Variants in KAZN observed in about 807,000 individuals in gnomAD.
KAZN encodes kazrin, periplakin interacting protein.
Under a neutral mutation model 87.4 loss-of-function variants are expected in KAZN, and 40 were observed. The observed-to-expected ratio is 0.46, with a 90% confidence interval of 0.36 to 0.60. The LOEUF is 0.60. Ranked by LOEUF, KAZN falls within the 20% of genes least tolerant of loss-of-function variation. The pLI, the probability that KAZN is intolerant of heterozygous loss-of-function variation, is 0.00. For missense variants in KAZN, 898 were observed against 1,073.9 expected (o/e 0.84, Z 2.29); for synonymous variants, 466 against 458.3 (o/e 1.02, Z -0.22).
At chr1:14,150,624 G>C (rs760111565) in intron 1 of KAZN, among the ~76,000 whole-genome samples, 21 of 152,220 alleles carry the variant, frequency 1.4e-4, no homozygotes, top group Non-Finnish European at 2.9e-4. Flanking sequence ...CCTGGGAAAA[G>C]ATGGTATCAA....
intron 1 of KAZN, among the ~76,000 whole-genome samples, chr1:14,690,335 G>A (rs1019017881): frequency 1.3e-5 from 2 of 152,094 alleles, no homozygotes; most frequent in Non-Finnish European, 2.9e-5. Flanking sequence ...TTTTTACATG[G>A]GAGCCCCAGA....
chr1:13,942,987 T>G (rs561073859), intron 1 of KAZN, among the ~76,000 whole-genome samples: 1 of 152,082 alleles, frequency 6.6e-6, no homozygotes, highest in South Asian at 2.1e-4. Context: ...GTAAAAAAGA[T>G]CCAATAAGTA....
intron 1 of KAZN, among the ~76,000 whole-genome samples, chr1:14,141,348 C>T (rs922634648): frequency 1.3e-5 from 2 of 151,964 alleles, no homozygotes; most frequent in South Asian, 2.1e-4. Flanking sequence ...TGCTTCCTGC[C>T]TCTGGGGCCT....
intron 1 of KAZN, among the ~76,000 whole-genome samples, chr1:13,907,057 G>A (rs890512449): frequency 6.6e-5 from 10 of 152,214 alleles, no homozygotes; most frequent in Non-Finnish European, 1.2e-4. Context: ...TCAGAGAAAA[G>A]AAATATCTAT....
chr1:14,941,556 G>A (rs1453274765), intron 1 of KAZN, among the ~76,000 whole-genome samples: 3 of 149,650 alleles, frequency 2.0e-5, no homozygotes, highest in Non-Finnish European at 1.5e-5. Flanking sequence ...GGGGTGGGAT[G>A]GGGGTGTGGG....
intron 1 of KAZN, among the ~76,000 whole-genome samples, chr1:14,015,837 A>G (rs1301902978): frequency 6.6e-6 from 1 of 151,816 alleles, no homozygotes; most frequent in Non-Finnish European, 1.5e-5. Context: ...TTCATAGAGT[A>G]GAAATACTTT....
At chr1:14,439,367 G>A (rs900453128) in intron 2 of KAZN, among the ~76,000 whole-genome samples, 3 of 152,168 alleles carry the variant, frequency 2.0e-5, no homozygotes, top group Non-Finnish European at 2.9e-5. Flanking sequence ...CACCATTAGT[G>A]ATTGTTGCTT....
chr1:14,809,462 T>C (rs1174513759), intron 1 of KAZN, among the ~76,000 whole-genome samples: 1 of 152,238 alleles, frequency 6.6e-6, no homozygotes, highest in Non-Finnish European at 1.5e-5. Context: ...CCAACATCAC[T>C]TCCTGCTTTT....
At chr1:14,825,352 G>T (rs1003914444) in intron 1 of KAZN, among the ~76,000 whole-genome samples, 1 of 152,126 alleles carries the variant, frequency 6.6e-6, no homozygotes, top group Non-Finnish European at 1.5e-5. Context: ...CTCCATCACC[G>T]CTTCTTTTTG....
chr1:15,013,096 G>A (rs575594941), intron 2 of KAZN, among the ~76,000 whole-genome samples: 1 of 152,118 alleles, frequency 6.6e-6, no homozygotes, highest in Non-Finnish European at 1.5e-5. Context: ...CCCCAGACAC[G>A]CCAGGTTTCC....
At chr1:14,539,539 C>T (rs1269466209) in intron 2 of KAZN, among the ~76,000 whole-genome samples, 1 of 152,136 alleles carries the variant, frequency 6.6e-6, no homozygotes, top group Non-Finnish European at 1.5e-5. Flanking sequence ...CGTCCTCTCT[C>T]TGCAACTTTT....
At chr1:14,005,198 A>G (rs1308816285) in intron 1 of KAZN, among the ~76,000 whole-genome samples, 6 of 152,234 alleles carry the variant, frequency 3.9e-5, no homozygotes, top group Non-Finnish European at 5.9e-5. Context: ...GTAGAGCCAG[A>G]CAGTGGAGTG....
chr1:14,591,771 C>G (rs1184802794), intron 2 of KAZN, among the ~76,000 whole-genome samples: 2 of 152,122 alleles, frequency 1.3e-5, no homozygotes, highest in African/African-American at 4.8e-5. Flanking sequence ...TGCTGTGTGT[C>G]CACACTGATA....
intron 2 of KAZN, among the ~76,000 whole-genome samples, chr1:14,319,073 G>T (rs112842103): frequency 0.024 from 3,577 of 147,744 alleles, 154 homozygotes; most frequent in African/African-American, 0.085. Flanking sequence ...TTTTTCTGGT[G>T]ATGGGCTCTG....
intron 1 of KAZN, among the ~76,000 whole-genome samples, chr1:14,127,924 C>A (rs1281698455): frequency 2.6e-5 from 4 of 152,150 alleles, no homozygotes; most frequent in Non-Finnish European, 5.9e-5. Context: ...TGGGTCCACT[C>A]ACGATGCTGG....
chr1:14,920,583 C>T (rs1572832482), intron 1 of KAZN, among the ~76,000 whole-genome samples: 1 of 152,088 alleles, frequency 6.6e-6, no homozygotes, highest in East Asian at 1.9e-4. Flanking sequence ...GCCTCAATTC[C>T]CAGCATCTCC....
intron 1 of KAZN, among the ~76,000 whole-genome samples, chr1:14,103,001 T>C (rs1363917305): frequency 6.6e-6 from 1 of 151,802 alleles, no homozygotes; most frequent in Non-Finnish European, 1.5e-5. Flanking sequence ...TTCTGCCTCC[T>C]GGGTTCAAAG....
At chr1:14,158,139 T>C (rs1371350848) in intron 1 of KAZN, among the ~76,000 whole-genome samples, 3 of 152,206 alleles carry the variant, frequency 2.0e-5, no homozygotes, top group Non-Finnish European at 4.4e-5. Flanking sequence ...GATATTGATA[T>C]CTTTCCGTAG....
intron 2 of KAZN, among the ~76,000 whole-genome samples, chr1:14,273,139 T>C (rs12748026): frequency 0.21 from 32,122 of 151,974 alleles, 4,392 homozygotes; most frequent in Middle Eastern, 0.39. Context: ...AATTGCAGAT[T>C]AACTTTAATA....
Sources: allele counts gnomAD v4.1 joint callset (sites outside exome capture counted in the v4.1 genomes callset), GRCh38; gene constraint gnomAD v4.1.1; transcripts MANE v1.5; gene names NCBI Gene and HGNC (gene_info 2026-07-23, HGNC 2026-07-21).